The following ADGRL3 variants were observed in gnomAD, a reference collection of about 807,000 sequenced individuals.
ADGRL3 encodes calcium-independent alpha-latrotoxin receptor 3.
Under a neutral mutation model 153.5 loss-of-function variants are expected in ADGRL3, and 62 were observed. That is an observed-to-expected ratio of 0.40 (90% CI 0.33 to 0.50). The LOEUF is 0.50. ADGRL3 is among the 20% of genes least tolerant of loss of function. The pLI, the probability that ADGRL3 is intolerant of heterozygous loss-of-function variation, is 0.47. For synonymous variants in ADGRL3, 710 were observed against 672.5 expected (o/e 1.06, Z -0.86); for missense variants, 1,641 against 1,859.4 (o/e 0.88, Z 2.16).
intron 8 of ADGRL3, among the ~76,000 whole-genome samples, chr4:61,803,139 A>G (rs777710567): frequency 2.6e-5 from 4 of 152,148 alleles, no homozygotes; most frequent in Non-Finnish European, 5.9e-5. Flanking sequence ...TTTAAATGGA[A>G]AAAGTTTTTT....
rs554498238 is a variant in ADGRL3 at position 61,645,692 on chromosome 4, G to A, written c.474-31134G>A. Among the ~76,000 whole-genome samples, 31 of 152,046 alleles carry A rather than the reference G, an allele frequency of 2.0e-4. No individual in the cohort carries two copies. The East Asian group carries it at 2.9e-3, about 14-fold the overall frequency. The stretch of plus-strand genomic sequence containing the variant: ...ATGGGCTTCCCTTTGAGGGTAACCC[G>A]ACCTTTCTCTCTGGCTGCCCTTAAC... On this transcript the variant is annotated intron_variant, in intron 5 of 26. Transcript: ENST00000683033.
chr4:61,987,104 C>CTTTTATTTTATTTTA (rs60189277), intron 19 of ADGRL3, among the ~76,000 whole-genome samples: 23 of 141,164 alleles, frequency 1.6e-4, no homozygotes, highest in African/African-American at 5.5e-4. Flanking sequence ...TTGTATATTG[C>CTTTTATTTTATTTTA]TTTTATTTTA....
intron 17 of ADGRL3, among the ~76,000 whole-genome samples, chr4:61,964,771 A>G (rs2150543477): frequency 6.6e-6 from 1 of 152,176 alleles, no homozygotes; most frequent in African/African-American, 2.4e-5. Context: ...AAATTTAAAT[A>G]TAATGGTTCT....
In ADGRL3 at chr4:61,680,718, T is replaced by C. The variant is rs552298346; in HGVS notation, c.583+3783T>C. Among the ~76,000 whole-genome samples, 316 of 152,168 alleles carry C rather than the reference T, an allele frequency of 2.1e-3. 1 individual carries two copies. Among genetic ancestry groups the C allele is most frequent in the Non-Finnish European group, 3.6e-3 (243 of 67,978 alleles). On this transcript the variant is annotated intron_variant, in intron 6 of 26. Coordinates refer to ENST00000683033, the MANE Select transcript of ADGRL3 (RefSeq NM_001387552.1). The stretch of plus-strand genomic sequence containing the variant: ...TTGAATGAGTCAAATGGTACGACTT[T>C]TAAAGATGTCAATGAGAAAGAAAAT...
At chr4:61,935,897 C>G (rs1367197430) in intron 14 of ADGRL3, 26 bp from the exon 15 acceptor site, 1 of 1,572,572 alleles carries the variant, frequency 6.4e-7, no homozygotes, top group Admixed American at 1.9e-5. Context: ...TCTCAATGAG[C>G]ACTGATATCT....
Position 61,368,065 on chromosome 4 carries a change from G to A in ADGRL3, c.-239-15059G>A, listed in dbSNP as rs553184653. ...TGAGAAGTGTCTGTTCATGTCCTTC[G>A]CCCACTTTTTGATGGGGTTGTTTGT... On this transcript the variant is annotated intron_variant, in intron 1 of 26. Transcript: ENST00000683033. Among the ~76,000 whole-genome samples the A allele has an allele frequency of 7.7e-3, 1,169 of 150,950 alleles. 17 individuals are homozygous for A. The highest frequency in any genetic ancestry group is 0.026 in the African/African-American group (1,068 of 40,820).
At chr4:61,965,098 G>T (rs932902652) in intron 17 of ADGRL3, among the ~76,000 whole-genome samples, 4 of 151,974 alleles carry the variant, frequency 2.6e-5, no homozygotes, top group African/African-American at 9.7e-5. Context: ...CCCAGGCTTG[G>T]GTGACCCTCC....
intron 1 of ADGRL3, among the ~76,000 whole-genome samples, chr4:61,209,959 G>A (rs1327479330): frequency 6.6e-6 from 1 of 152,044 alleles, no homozygotes; most frequent in Non-Finnish European, 1.5e-5. Context: ...CAGATTTTAA[G>A]TCTCATAAGA....
chr4:61,893,099 C>T, intron 10 of ADGRL3, 141 bp downstream of exon 10: 1 of 391,994 alleles, frequency 2.6e-6, no homozygotes, highest in Non-Finnish European at 4.3e-6. Context: ...CTTTCTCCTT[C>T]CTTCCTTCCT....
At chr4:61,909,187 G>A (rs1437775920) in intron 11 of ADGRL3, among the ~76,000 whole-genome samples, 1 of 152,132 alleles carries the variant, frequency 6.6e-6, no homozygotes, top group Admixed American at 6.5e-5. Context: ...ATTTGCACTT[G>A]CCTCTGAGAA....
chr4:62,004,492 A>G (rs1194029245), intron 21 of ADGRL3, among the ~76,000 whole-genome samples: 1 of 151,924 alleles, frequency 6.6e-6, no homozygotes, highest in Non-Finnish European at 1.5e-5. Context: ...ACCGATTTTT[A>G]TTTTTAAGAA....
At chr4:61,256,330 G>C (rs1353000148) in intron 1 of ADGRL3, among the ~76,000 whole-genome samples, 1 of 151,958 alleles carries the variant, frequency 6.6e-6, no homozygotes, top group Non-Finnish European at 1.5e-5. Flanking sequence ...CTTGTTATGT[G>C]TGTATTTAAG....
intron 25 of ADGRL3, among the ~76,000 whole-genome samples, chr4:62,063,867 T>C (rs1459823771): frequency 2.0e-5 from 3 of 152,126 alleles, no homozygotes; most frequent in Non-Finnish European, 4.4e-5. Flanking sequence ...TATGTGTTTG[T>C]TTCTCCATAA....
chr4:61,383,914 C>T (rs995486268), intron 2 of ADGRL3, among the ~76,000 whole-genome samples: 17 of 151,802 alleles, frequency 1.1e-4, no homozygotes, highest in African/African-American at 3.9e-4. Flanking sequence ...GAAAGTAATT[C>T]CTGTAAAGTT....
chr4:61,689,212 T>C (rs929862421), intron 6 of ADGRL3, among the ~76,000 whole-genome samples: 2 of 152,120 alleles, frequency 1.3e-5, no homozygotes, highest in African/African-American at 4.8e-5. Flanking sequence ...TTGGTACTAG[T>C]TGATTTCCCT....
At chr4:61,926,721 A>G (rs2098795845) in intron 13 of ADGRL3, among the ~76,000 whole-genome samples, 1 of 152,158 alleles carries the variant, frequency 6.6e-6, no homozygotes, top group South Asian at 2.1e-4. Flanking sequence ...ACAAATATTA[A>G]CCGTTACTGT....
intron 18 of ADGRL3, 59 bp downstream of exon 18, chr4:61,979,831 G>A (rs923174876): frequency 1.5e-5 from 20 of 1,336,714 alleles, no homozygotes; most frequent in African/African-American, 5.8e-5. Flanking sequence ...TTTCAGTAGC[G>A]CCAATACTAA....
intron 2 of ADGRL3, among the ~76,000 whole-genome samples, chr4:61,412,455 G>A (rs920024068): frequency 6.6e-6 from 1 of 152,150 alleles, no homozygotes; most frequent in African/African-American, 2.4e-5. Flanking sequence ...TATGAAAAAG[G>A]CAGGCATTGG....
chr4:61,470,376 T>A (rs1243347638), intron 2 of ADGRL3, among the ~76,000 whole-genome samples: 1 of 151,948 alleles, frequency 6.6e-6, no homozygotes, highest in Non-Finnish European at 1.5e-5. Flanking sequence ...CAACTATTTC[T>A]CTCAGCATTG....
Sources: gnomAD v4.1 joint callset for allele counts (sites outside exome capture counted in the v4.1 genomes callset) on GRCh38, gnomAD v4.1.1 for gene constraint, MANE v1.5 for transcripts, NCBI Gene and HGNC (gene_info 2026-07-23, HGNC 2026-07-21) for gene names.